The following COL25A1 variants were observed in gnomAD, a reference collection of about 807,000 sequenced individuals.
COL25A1 encodes collagen type XXV alpha 1 chain.
Under a neutral mutation model 128.4 loss-of-function variants are expected in COL25A1, and 103 were observed. That is an observed-to-expected ratio of 0.80 (90% confidence interval 0.68 to 0.94). The LOEUF (loss-of-function observed/expected upper bound fraction) is 0.94. Among genes scored for constraint, COL25A1 ranks in the 40% least tolerant of loss-of-function variants. COL25A1 has a pLI of 0.00. For missense variants in COL25A1, 745 were observed against 840.0 expected (o/e 0.89, Z 1.40); for synonymous variants, 279 against 277.2 (o/e 1.01, Z -0.06).
chr4:108,969,871 T>G (rs918068495), intron 8 of COL25A1, among the ~76,000 whole-genome samples: 2 of 151,820 alleles, frequency 1.3e-5, no homozygotes, highest in African/African-American at 2.4e-5. Flanking sequence ...CCAATTGTAT[T>G]CTATAGCAGA....
chr4:109,041,875 C>A (rs1045064758), intron 5 of COL25A1, among the ~76,000 whole-genome samples: 1 of 152,042 alleles, frequency 6.6e-6, no homozygotes, highest in African/African-American at 2.4e-5. Flanking sequence ...AGGAGCCTTG[C>A]CCATCAATAT....
chr4:109,112,328 A>G (rs1173841815), intron 3 of COL25A1, among the ~76,000 whole-genome samples: 3 of 152,140 alleles, frequency 2.0e-5, no homozygotes, highest in Non-Finnish European at 4.4e-5. Context: ...CAGTAAAGAC[A>G]GTCTATTTTT....
At chr4:108,834,253 C>A in intron 31 of COL25A1, 2 of 1,206,770 alleles carry the variant, frequency 1.7e-6, no homozygotes, top group Non-Finnish European at 1.2e-6. Context: ...TCTAAGTACA[C>A]CCTCATCATT....
chr4:108,935,878 T>G (rs1274761295), intron 11 of COL25A1, among the ~76,000 whole-genome samples: 1 of 152,130 alleles, frequency 6.6e-6, no homozygotes, highest in Non-Finnish European at 1.5e-5. Flanking sequence ...ATCCATTTTA[T>G]TTTAGAACAT....
rs1203687277 is a variant in COL25A1, at chr4:108,810,958, T to C, written c.*2969A>G. 1 of 152,050 alleles carries C rather than the reference T, an allele frequency of 6.6e-6. No homozygotes were observed. Among genetic ancestry groups the C allele is most frequent in the Non-Finnish European group, 1.5e-5 (1 of 67,902 alleles). 9.4% of individuals were successfully genotyped at this position (152,050 alleles called of 1,614,324 possible). On this transcript the variant is annotated 3_prime_UTR_variant, in exon 38 of 38. Transcript: ENST00000399132. ...AACATAAATGAAAAACAATTTTAAA[T>C]CTAAAACACATATCAATTTGCTATC...
chr4:108,829,387 G>GTATCTATC (rs34296727), intron 32 of COL25A1, among the ~76,000 whole-genome samples: 27 of 147,570 alleles, frequency 1.8e-4, no homozygotes, highest in African/African-American at 2.5e-4. Context: ...GTGTAAGTGT[G>GTATCTATC]TATCTATCTA....
At chr4:108,844,494 C>T (rs377553193) in intron 30 of COL25A1, 25 bp downstream of exon 30, 15 of 1,613,966 alleles carry the variant, frequency 9.3e-6, no homozygotes, top group South Asian at 1.1e-5. Flanking sequence ...TAAGCAATTA[C>T]ATTTCAGAAA....
At chr4:109,205,803 T>TC (rs766657261) in intron 3 of COL25A1, among the ~76,000 whole-genome samples, 5 of 152,130 alleles carry the variant, frequency 3.3e-5, no homozygotes, top group Non-Finnish European at 7.4e-5. Flanking sequence ...GCCAGACACC[T>TC]TTTTTCCAAA....
intron 8 of COL25A1, among the ~76,000 whole-genome samples, chr4:108,947,085 A>G (rs1461226327): frequency 6.6e-6 from 1 of 152,144 alleles, no homozygotes; most frequent in Admixed American, 6.6e-5. Flanking sequence ...TCAGCTATAG[A>G]TTCACTGAAT....
At chr4:108,924,627 T>A (rs1745835065) in intron 11 of COL25A1, among the ~76,000 whole-genome samples, 1 of 152,226 alleles carries the variant, frequency 6.6e-6, no homozygotes, top group Non-Finnish European at 1.5e-5. Context: ...CTCCCTTAGC[T>A]AACGTAACGT....
At chr4:109,285,706 TATTTAAAAATTACTCTA>T (rs1226967962) in intron 3 of COL25A1, among the ~76,000 whole-genome samples, 11 of 152,198 alleles carry the variant, frequency 7.2e-5, no homozygotes, top group Non-Finnish European at 1.6e-4. Flanking sequence ...ATAAACTTAC[TATTTAAAAATTACTCTA>T]AAAGCAAAGC....
In COL25A1 at chr4:109,055,007, A is replaced by C. The variant is rs147864618; in HGVS notation, c.368-4828T>G. The stretch of plus-strand genomic sequence containing the variant: ...CCAACCTCCCCCATCCTCCAGCTAC[A>C]TTCAGAGACTAAACCAGGTTTACCT... On this transcript the variant is annotated intron_variant, in intron 3 of 37. Coordinates refer to ENST00000399132, the MANE Select transcript of COL25A1 (RefSeq NM_198721.4). Among the ~76,000 whole-genome samples, 4 of 152,288 alleles carry C rather than the reference A, an allele frequency of 2.6e-5. No homozygotes were observed. In the East Asian group the frequency reaches 7.7e-4, roughly 29 times the overall value.
At chr4:108,876,101 T>C (rs1398842435) in intron 19 of COL25A1, among the ~76,000 whole-genome samples, 1 of 151,542 alleles carries the variant, frequency 6.6e-6, no homozygotes, top group Admixed American at 6.6e-5. Flanking sequence ...TTAGGAGAAA[T>C]ACCTAATGTA....
At chr4:109,270,373 C>T (rs1021944742) in intron 3 of COL25A1, among the ~76,000 whole-genome samples, 212 of 152,346 alleles carry the variant, frequency 1.4e-3, no homozygotes, top group Middle Eastern at 6.8e-3. Flanking sequence ...TCAGCAAAAT[C>T]TCAGGATACA....
intron 3 of COL25A1, among the ~76,000 whole-genome samples, chr4:109,136,429 C>A (rs1400190522): frequency 6.6e-6 from 1 of 152,020 alleles, no homozygotes; most frequent in African/African-American, 2.4e-5. Context: ...TCTTAAAGAC[C>A]AATACATGCT....
At chr4:108,927,724 A>T (rs1309006613) in intron 11 of COL25A1, among the ~76,000 whole-genome samples, 1 of 152,172 alleles carries the variant, frequency 6.6e-6, no homozygotes, top group Non-Finnish European at 1.5e-5. Flanking sequence ...TGAATTTTTG[A>T]GGAAAATATT....
rs1735406094 is a variant in COL25A1, at chr4:108,848,756, TA to T, written c.1434+2del. On this transcript the variant is annotated splice_donor_variant, in intron 27 of 37. Coordinates refer to ENST00000399132, the MANE Select transcript of COL25A1 (RefSeq NM_198721.4). LOFTEE classifies it high-confidence loss of function. Reference sequence around the variant, plus strand: ...AATAATAGTATACATCTTTGAAAATTACCTGCTCTCCATCCATTCCTGGGAT... The same window carrying T: ...AATAATAGTATACATCTTTGAAAATTCCTGCTCTCCATCCATTCCTGGGAT... 5 of 1,589,886 alleles carry T rather than the reference TA, an allele frequency of 3.1e-6. No individual in the cohort carries two copies. The highest frequency in any genetic ancestry group is 4.3e-6 in the Non-Finnish European group (5 of 1,158,170).
intron 3 of COL25A1, among the ~76,000 whole-genome samples, chr4:109,069,133 T>A (rs983746268): frequency 4.0e-5 from 6 of 151,202 alleles, no homozygotes; most frequent in East Asian, 3.9e-4. Context: ...ACTTTAAAAA[T>A]TTTTTTTTGG....
At chr4:109,152,282 T>C (rs1375421866) in intron 3 of COL25A1, among the ~76,000 whole-genome samples, 4 of 152,016 alleles carry the variant, frequency 2.6e-5, no homozygotes, top group Non-Finnish European at 5.9e-5. Flanking sequence ...GTAAGTGGAG[T>C]TCAAAAATTA....
Sources: gnomAD v4.1 joint callset for allele counts (sites outside exome capture counted in the v4.1 genomes callset) on GRCh38, gnomAD v4.1.1 for gene constraint, MANE v1.5 for transcripts, NCBI Gene and HGNC (gene_info 2026-07-23, HGNC 2026-07-21) for gene names.